ARHGEF28: variants seen among roughly 807,000 people sequenced by gnomAD.
ARHGEF28 encodes 190 kDa guanine nucleotide exchange factor.
In ARHGEF28, 152 loss-of-function variants were observed where a neutral mutation model predicts 206.6. The ratio of observed to expected loss-of-function variants is 0.74; its 90% confidence interval spans 0.64 to 0.84. ARHGEF28 has a LOEUF of 0.84. Ranked by LOEUF, ARHGEF28 falls within the 40% of genes least tolerant of loss-of-function variation. ARHGEF28 has a pLI of 0.00. For missense variants in ARHGEF28, 2,028 were observed against 2,073.2 expected (o/e 0.98, Z 0.42); for synonymous variants, 763 against 776.4 (o/e 0.98, Z 0.29).
At chr5:73,727,806 A>G (rs570145535) in intron 2 of ARHGEF28, among the ~76,000 whole-genome samples, 1 of 152,148 alleles carries the variant, frequency 6.6e-6, no homozygotes, top group Non-Finnish European at 1.5e-5. Context: ...CCTCTAATTG[A>G]ACAGAATCCC....
Position 73,913,158 on chromosome 5 carries a change from A to T in ARHGEF28, c.4948+1583A>T, listed in dbSNP as rs74522277. On this transcript the variant is annotated intron_variant, in intron 35 of 35. Transcript: ENST00000513042. ...AGCCAAAGGAAATGCTGAGAAATGT[A>T]CTTACGCTTAAGAAATTGTATGTCC... 4.0e-3 allele frequency among the ~76,000 whole-genome samples: 610 copies of T among 152,360 alleles called. 26 individuals are homozygous for T. The East Asian group carries it at 0.098, about 24-fold the overall frequency.
chr5:73,926,947 T>C (rs1221448652), intron 35 of ARHGEF28, among the ~76,000 whole-genome samples: 1 of 152,206 alleles, frequency 6.6e-6, no homozygotes, highest in Non-Finnish European at 1.5e-5. Context: ...TGATCCTTGC[T>C]CTTGATGGCC....
chr5:73,873,220 C>T lies in ARHGEF28; in HGVS notation c.2788C>T (p.Arg930Ter), dbSNP rs750272991. 1.1e-5 allele frequency: 17 copies of T among 1,610,766 alleles called. No individual in the cohort carries two copies. In the South Asian group the frequency reaches 1.6e-4, roughly 15 times the overall value. The change falls in exon 22 of 36, where the codon CGA (arginine) becomes TGA (stop). Residue 930 changes from arginine to a stop codon, truncating the protein, a stop_gained. Transcript: ENST00000513042. LOFTEE classifies it high-confidence loss of function. ...AGSDRNFVIDRIGDILVQQFS... is the reference protein window; with the variant it reads ...AGSDRNFVID ...CAGCGACAGGAATTTTGTGATCGAC[C>T]GAATTGGAGATATTTTGGTACAACA...
At chr5:73,726,574 A>G (rs1374117969) in intron 2 of ARHGEF28, among the ~76,000 whole-genome samples, 1 of 152,228 alleles carries the variant, frequency 6.6e-6, no homozygotes, top group Admixed American at 6.5e-5. Context: ...GTATCAATAC[A>G]GTATACGATG....
chr5:73,729,175 T>G (rs897052204), intron 2 of ARHGEF28, among the ~76,000 whole-genome samples: 6 of 152,128 alleles, frequency 3.9e-5, no homozygotes, highest in Non-Finnish European at 8.8e-5. Flanking sequence ...AGCTGTGTGA[T>G]CTTAGGCAAG....
In ARHGEF28 at chr5:73,879,612, G is replaced by A. The variant is rs1457429010; in HGVS notation, c.2815-2860G>A. On this transcript the variant is annotated intron_variant, in intron 22 of 35. Transcript: ENST00000513042. ...GTACAGATGGGTTTTTGGTGTGGACGTCCTTTCTGTTTGTTAGTTTTCCTT... is the reference window on the plus strand; with the variant it reads ...GTACAGATGGGTTTTTGGTGTGGACATCCTTTCTGTTTGTTAGTTTTCCTT... Among the ~76,000 whole-genome samples the A allele has an allele frequency of 3.9e-5, 6 of 152,240 alleles. No individual in the cohort carries two copies. In the East Asian group the frequency reaches 7.7e-4, roughly 20 times the overall value.
intron 1 of ARHGEF28, among the ~76,000 whole-genome samples, chr5:73,657,041 C>T (rs958946685): frequency 2.6e-5 from 4 of 151,862 alleles, no homozygotes; most frequent in African/African-American, 4.8e-5. Flanking sequence ...GGCATGGTGG[C>T]GGGCACGTGT....
intron 13 of ARHGEF28, among the ~76,000 whole-genome samples, chr5:73,851,326 C>G (rs539120118): frequency 3.5e-4 from 53 of 151,748 alleles, no homozygotes; most frequent in African/African-American, 1.2e-3. Flanking sequence ...AGGATGCTTT[C>G]GGTCCTTTTT....
At chr5:73,937,757 T>C (rs926495119) in intron 35 of ARHGEF28, among the ~76,000 whole-genome samples, 1 of 152,208 alleles carries the variant, frequency 6.6e-6, no homozygotes, top group Admixed American at 6.5e-5. Context: ...GGTTTAATAT[T>C]AACAAATGTT....
chr5:73,805,880 T>C (rs1755405637), intron 9 of ARHGEF28, among the ~76,000 whole-genome samples: 1 of 152,172 alleles, frequency 6.6e-6, no homozygotes, highest in Non-Finnish European at 1.5e-5. Flanking sequence ...TTTTTCTTTT[T>C]AAGTGAGTTT....
At chr5:73,817,008 G>T (rs1198080506) in intron 9 of ARHGEF28, among the ~76,000 whole-genome samples, 2 of 152,140 alleles carry the variant, frequency 1.3e-5, no homozygotes, top group Admixed American at 1.3e-4. Flanking sequence ...ATCAAGAAAT[G>T]TATTGCTTAT....
At position 73,923,182 on chromosome 5, in the gene ARHGEF28, G is replaced by A. The variant is rs1446597283; in HGVS notation, c.4948+11607G>A. 14 of 1,532,586 alleles carry A rather than the reference G, an allele frequency of 9.1e-6. No individual in the cohort carries two copies. The East Asian group carries it at 2.4e-4, about 27-fold the overall frequency. The allele number at this position is 1,532,586 out of a possible 1,614,324, so 94.9% of individuals were successfully genotyped here. ...TTTGAAAGGTAATACTGCAAGGGGG[G>A]TGCTTAGCCTTCTTTTAGGGTACTC... On this transcript the variant is annotated intron_variant, in intron 35 of 35. Coordinates refer to ENST00000513042, the MANE Select transcript of ARHGEF28 (RefSeq NM_001177693.2).
At chr5:73,823,593 GTGAATGTTTT>G (rs1756721746) in intron 9 of ARHGEF28, among the ~76,000 whole-genome samples, 1 of 152,190 alleles carries the variant, frequency 6.6e-6, no homozygotes, top group Non-Finnish European at 1.5e-5. Context: ...CTACTGTTCT[GTGAATGTTTT>G]CTCAGCAAGA....
intron 12 of ARHGEF28, 86 bp downstream of exon 12, chr5:73,846,561 T>C: frequency 7.8e-7 from 1 of 1,276,570 alleles, no homozygotes; most frequent in Non-Finnish European, 1.1e-6. Context: ...AAAGACATAT[T>C]ATATTTTATT....
At chr5:73,841,946 C>T (rs1364281208) in intron 11 of ARHGEF28, among the ~76,000 whole-genome samples, 1 of 151,952 alleles carries the variant, frequency 6.6e-6, no homozygotes, top group African/African-American at 2.4e-5. Flanking sequence ...TAAAATTTAT[C>T]TTATATTTAT....
chr5:73,635,954 A>C (rs143943237), intron 1 of ARHGEF28, among the ~76,000 whole-genome samples: 56 of 152,312 alleles, frequency 3.7e-4, no homozygotes, highest in African/African-American at 1.3e-3. Flanking sequence ...GTTTCCTGAC[A>C]TATGTAACTG....
intron 2 of ARHGEF28, among the ~76,000 whole-genome samples, chr5:73,717,684 G>A (rs1427852624): frequency 6.6e-6 from 1 of 152,120 alleles, no homozygotes; most frequent in Non-Finnish European, 1.5e-5. Flanking sequence ...ACTAGGTGCT[G>A]GAAATACAAC....
intron 14 of ARHGEF28, among the ~76,000 whole-genome samples, chr5:73,855,556 A>G (rs891333544): frequency 2.0e-5 from 3 of 151,780 alleles, no homozygotes; most frequent in Non-Finnish European, 4.4e-5. Flanking sequence ...ACATGGCAAA[A>G]CCCCATCTCT....
At chr5:73,897,134 A>T (rs1156866528) in intron 29 of ARHGEF28, among the ~76,000 whole-genome samples, 1 of 152,094 alleles carries the variant, frequency 6.6e-6, no homozygotes, top group Non-Finnish European at 1.5e-5. Context: ...AAACCCATCC[A>T]TCCTTCCAGG....
Sources: allele counts gnomAD v4.1 joint callset (sites outside exome capture counted in the v4.1 genomes callset), GRCh38; gene constraint gnomAD v4.1.1; transcripts MANE v1.5; gene names NCBI Gene and HGNC (gene_info 2026-07-23, HGNC 2026-07-21).